IGF1: variants seen among roughly 807,000 people sequenced by gnomAD.
IGF1 encodes insulin like growth factor 1, also known as insulin-like growth factor 1.
In IGF1, 4 loss-of-function variants were observed where a neutral mutation model predicts 13.8. That is an observed-to-expected ratio of 0.29 (90% CI 0.14 to 0.66). IGF1 has a LOEUF of 0.66. IGF1 is among the 30% of genes least tolerant of loss of function. The pLI, the probability that IGF1 is intolerant of heterozygous loss-of-function variation, is 0.78. For missense variants in IGF1, 124 were observed against 188.5 expected, an observed-to-expected ratio of 0.66 and a Z score of 2.00; for synonymous variants, 76 against 72.6, an observed-to-expected ratio of 1.05 and a Z score of -0.23.
At position 102,400,235 on chromosome 12, in the gene IGF1, T is replaced by G. The variant is rs1424874533; in HGVS notation, c.*2272A>C. The G allele has an allele frequency of 2.0e-5, 3 of 151,260 alleles. No individual in the cohort carries two copies. The highest frequency in any genetic ancestry group is 4.4e-5 in the Non-Finnish European group (3 of 67,940). The allele number at this position is 151,260 out of a possible 1,614,324, so 9.4% of individuals were successfully genotyped here. Reference sequence around the variant, plus strand: ...ATATAGACTTTCCAAGAATGTAAAATATAGAATTTGCATGAAATAATCAAG... The same window carrying G: ...ATATAGACTTTCCAAGAATGTAAAAGATAGAATTTGCATGAAATAATCAAG... On this transcript the variant is annotated 3_prime_UTR_variant, in exon 4 of 4. Coordinates refer to ENST00000337514, the MANE Select transcript of IGF1 (RefSeq NM_000618.5).
chr12:102,458,646 G>A (rs1592814299), intron 2 of IGF1, among the ~76,000 whole-genome samples: 1 of 131,976 alleles, frequency 7.6e-6, no homozygotes, highest in East Asian at 2.6e-4. Flanking sequence ...GTATGAGGGA[G>A]TAAGTGGGAA....
intron 1 of IGF1, among the ~76,000 whole-genome samples, chr12:102,477,157 C>T (rs1334070116): frequency 2.0e-5 from 3 of 151,916 alleles, no homozygotes; most frequent in African/African-American, 7.3e-5. Flanking sequence ...TCTGACTACC[C>T]TCCTTGCCCT....
intron 3 of IGF1, among the ~76,000 whole-genome samples, chr12:102,407,314 A>G (rs947039789): frequency 6.6e-6 from 1 of 152,186 alleles, no homozygotes; most frequent in Non-Finnish European, 1.5e-5. Flanking sequence ...AATGTGCTTG[A>G]GGTCACAGAG....
At chr12:102,481,335 T>C (rs1015601109), upstream of IGF1, among the ~76,000 whole-genome samples, 7 of 149,470 alleles carry the variant, frequency 4.7e-5, no homozygotes, top group Non-Finnish European at 8.9e-5. Context: ...GAATTTTCCA[T>C]ATAACTCAAA....
At chr12:102,462,202 C>T (rs748366442) in intron 2 of IGF1, among the ~76,000 whole-genome samples, 5 of 152,176 alleles carry the variant, frequency 3.3e-5, no homozygotes, top group Non-Finnish European at 7.3e-5. Flanking sequence ...AACCAATTAG[C>T]CCGTTGTAAA....
At chr12:102,453,551 T>C (rs918982241) in intron 2 of IGF1, among the ~76,000 whole-genome samples, 1 of 152,164 alleles carries the variant, frequency 6.6e-6, no homozygotes, top group African/African-American at 2.4e-5. Context: ...AACTCTAATA[T>C]AAGTAAGGTT....
chr12:102,442,655 A>G (rs1233549637), intron 2 of IGF1, among the ~76,000 whole-genome samples: 1 of 152,128 alleles, frequency 6.6e-6, no homozygotes, highest in African/African-American at 2.4e-5. Flanking sequence ...CCATCCAACA[A>G]TAACAGGAAA....
intron 1 of IGF1, chr12:102,478,571 G>T (rs1363123458): frequency 6.3e-6 from 10 of 1,589,186 alleles, no homozygotes; most frequent in Non-Finnish European, 8.6e-6. Context: ...ATAGAAAACT[G>T]AAGTCTTAAA....
chr12:102,443,518 A>G (rs967782915), intron 2 of IGF1, among the ~76,000 whole-genome samples: 14 of 152,218 alleles, frequency 9.2e-5, no homozygotes, highest in African/African-American at 2.6e-4. Flanking sequence ...GCCCTGAACT[A>G]TGTATCTTGG....
chr12:102,398,086 T>TAAAAAA lies in IGF1; in HGVS notation c.*4415_*4420dup. On this transcript the variant is annotated 3_prime_UTR_variant, in exon 4 of 4. Coordinates refer to ENST00000337514, the MANE Select transcript of IGF1 (RefSeq NM_000618.5). ...AGAAATTCATAAAGACTGTATAAAG[T>TAAAAAA]AAAAAAAAAAAAAAAACAAAAACAA... The TAAAAAA allele has an allele frequency of 7.9e-6, 1 of 126,744 alleles. No individual in the cohort carries two copies. Among genetic ancestry groups the TAAAAAA allele is most frequent in the East Asian group, 2.2e-4 (1 of 4,462 alleles). The allele number at this position is 126,744 out of a possible 1,614,324, so 7.9% of individuals were successfully genotyped here.
At chr12:102,418,702 A>G (rs1875390712) in intron 3 of IGF1, among the ~76,000 whole-genome samples, 1 of 152,094 alleles carries the variant, frequency 6.6e-6, no homozygotes, top group African/African-American at 2.4e-5. Flanking sequence ...AATCTCTTAT[A>G]TTCATTTGTT....
At chr12:102,415,245 C>A (rs2136980691) in intron 3 of IGF1, among the ~76,000 whole-genome samples, 1 of 133,884 alleles carries the variant, frequency 7.5e-6, no homozygotes, top group African/African-American at 2.8e-5. Context: ...TTTGTCCATC[C>A]AACCATCCAT....
intron 1 of IGF1, chr12:102,478,665 G>T: frequency 7.4e-7 from 1 of 1,359,294 alleles, no homozygotes; most frequent in Non-Finnish European, 9.5e-7. Flanking sequence ...TATGAGCCTG[G>T]GTAAACTGCC....
intron 2 of IGF1, among the ~76,000 whole-genome samples, chr12:102,450,045 T>C (rs896776066): frequency 1.3e-5 from 2 of 152,174 alleles, no homozygotes; most frequent in Admixed American, 1.3e-4. Flanking sequence ...AAGTGTTTTA[T>C]TAAAGTGATG....
At chr12:102,439,029 T>C (rs959888866) in intron 2 of IGF1, among the ~76,000 whole-genome samples, 1 of 152,254 alleles carries the variant, frequency 6.6e-6, no homozygotes, top group East Asian at 1.9e-4. Context: ...CCAGTAGCCT[T>C]TTATTCCCTA....
intron 1 of IGF1, among the ~76,000 whole-genome samples, chr12:102,479,209 C>G (rs567814399): frequency 2.0e-5 from 3 of 152,282 alleles, no homozygotes; most frequent in African/African-American, 7.2e-5. Flanking sequence ...ATCTCAGGAA[C>G]AGCAGAATCA....
In IGF1 at chr12:102,419,572, C is replaced by T. The variant is rs2137000907; in HGVS notation, c.339G>A (p.Lys113=). The T allele has an allele frequency of 6.2e-7, 1 of 1,613,950 alleles. No homozygotes were observed. Among genetic ancestry groups the T allele is most frequent in the Non-Finnish European group, 8.5e-7 (1 of 1,180,016 alleles). ...GGACAGAGCGAGCTGACTTGGCAGGCTTGAGGGGTGCGCAATACATCTCCA... is the reference window on the plus strand; with the variant it reads ...GGACAGAGCGAGCTGACTTGGCAGGTTTGAGGGGTGCGCAATACATCTCCA... ...RRLEMYCAPL[K]PAKSARSVRA... is the part of the protein sequence containing the mutation. The change falls in exon 3 of 4, where the codon AAG becomes AAA. Residue 113 remains lysine (K), a synonymous_variant. Coordinates refer to ENST00000337514, the MANE Select transcript of IGF1 (RefSeq NM_000618.5).
chr12:102,430,761 G>A (rs1470712538), intron 2 of IGF1, among the ~76,000 whole-genome samples: 1 of 152,180 alleles, frequency 6.6e-6, no homozygotes, highest in South Asian at 2.1e-4. Context: ...CTCTGGTAAA[G>A]GTCAGTTATG....
chr12:102,468,307 C>T (rs2137236753), intron 2 of IGF1, among the ~76,000 whole-genome samples: 1 of 152,310 alleles, frequency 6.6e-6, no homozygotes, highest in Non-Finnish European at 1.5e-5. Flanking sequence ...CATTAATTAC[C>T]TTAGGACAAA....
Sources: gnomAD v4.1 joint callset for allele counts (sites outside exome capture counted in the v4.1 genomes callset) on GRCh38, gnomAD v4.1.1 for gene constraint, MANE v1.5 for transcripts, NCBI Gene and HGNC (gene_info 2026-07-23, HGNC 2026-07-21) for gene names.